The following SPTBN1 variants were observed in gnomAD, a reference collection of about 807,000 sequenced individuals.
SPTBN1 encodes the protein spectrin beta, non-erythrocytic 1.
Under a neutral mutation model 266.4 loss-of-function variants are expected in SPTBN1, and 32 were observed. The ratio of observed to expected loss-of-function variants is 0.12; its 90% CI spans 0.09 to 0.16. The LOEUF is 0.16. SPTBN1 is among the 10% of genes least tolerant of loss of function. The pLI is 1.00. For synonymous variants in SPTBN1, 1,336 were observed against 1,162.2 expected (o/e 1.15, Z -3.04); for missense variants, 2,296 against 3,067.1 (o/e 0.75, Z 5.94).
chr2:54,511,422 A>T (rs1030470547), intron 1 of SPTBN1, among the ~76,000 whole-genome samples: 1 of 152,210 alleles, frequency 6.6e-6, no homozygotes, highest in Non-Finnish European at 1.5e-5. Flanking sequence ...TTTTAGTAAT[A>T]GAATAGTGGT....
intron 34 of SPTBN1, 107 bp downstream of exon 34, chr2:54,666,195 G>A: frequency 8.3e-7 from 1 of 1,202,466 alleles, no homozygotes; most frequent in African/African-American, 1.5e-5. Context: ...TCTGTCTTCT[G>A]CCATTTTAAA....
intron 1 of SPTBN1, chr2:54,520,400 G>A (rs1015866814): frequency 6.6e-6 from 1 of 152,202 alleles, no homozygotes; most frequent in Non-Finnish European, 1.5e-5. Flanking sequence ...TGCCAGAGCT[G>A]TAGAAGCCTC....
chr2:54,625,926 C>G lies in SPTBN1; in HGVS notation c.1342-6C>G. 1.2e-6 allele frequency: 2 copies of G among 1,611,640 alleles called. No individual in the cohort carries two copies. The highest frequency in any genetic ancestry group is 1.7e-6 in the Non-Finnish European group (2 of 1,177,946). On this transcript the variant is annotated splice_region_variant and splice_polypyrimidine_tract_variant and intron_variant, in intron 11 of 35. Transcript: ENST00000356805. The stretch of plus-strand genomic sequence containing the variant: ...TTTTCCTTCTTTTCATTCCGTTTCT[C>G]TGTAGGACAACTTTGGGTTTGACCT...
At chr2:54,529,741 G>T in intron 2 of SPTBN1, 1 of 677,558 alleles carries the variant, frequency 1.5e-6, no homozygotes, top group South Asian at 1.4e-5. Flanking sequence ...AGAGATGAAG[G>T]CATATGTTCC....
At position 54,518,167 on chromosome 2, in the gene SPTBN1, C is replaced by T. The variant is rs187405599; in HGVS notation, c.-47-8205C>T. The stretch of plus-strand genomic sequence containing the variant: ...CTCGGTCCTTTTTTGGCACTAGCCC[C>T]ATGTACCTGAGTAATAATAGGTCAG... On this transcript the variant is annotated intron_variant, in intron 1 of 35. Coordinates refer to ENST00000356805, the MANE Select transcript of SPTBN1 (RefSeq NM_003128.3). 6.6e-5 allele frequency among the ~76,000 whole-genome samples: 10 copies of T among 152,068 alleles called. No homozygotes were observed. In the East Asian group the frequency reaches 1.7e-3, roughly 26 times the overall value.
rs772982871 is a variant in SPTBN1 at position 54,648,983 on chromosome 2, C to T, written c.4998-3C>T. ...TCTCCCCATTGCTCCTTTTCTTTTT[C>T]AGTGAGCGCATTAGCATGCGGCAGT... On this transcript the variant is annotated splice_polypyrimidine_tract_variant and splice_region_variant and intron_variant, in intron 24 of 35. Transcript: ENST00000356805. 13 of 1,588,524 alleles carry T rather than the reference C, an allele frequency of 8.2e-6. No individual in the cohort carries two copies. The highest frequency in any genetic ancestry group is 3.4e-5 in the South Asian group (3 of 88,448).
intron 2 of SPTBN1, among the ~76,000 whole-genome samples, chr2:54,589,889 TTTGAG>T (rs745699135): frequency 2.8e-4 from 42 of 152,246 alleles, no homozygotes; most frequent in Non-Finnish European, 5.3e-4. Context: ...ATTCTTTTGT[TTTGAG>T]TTAAGATCCT....
In SPTBN1 at chr2:54,653,753, G is replaced by A. The variant is rs148915438; in HGVS notation, c.5722G>A (p.Val1908Met). 3 of 1,614,134 alleles carry A rather than the reference G, an allele frequency of 1.9e-6. No individual in the cohort carries two copies. The African/African-American group carries it at 4.0e-5, about 22-fold the overall frequency. ...CTGTGAGAGCCGCAGGGTGCGGCTG[G>A]TGGACACAGGGGACAAGTTCCGCTT... ...DACESRRVRL[V>M]DTGDKFRFFS... Residue 1908 changes from valine (V) to methionine (M), a missense_variant, in exon 27 of 36, where the codon GTG becomes ATG. Physicochemically the swap from Val to Met is conservative, Grantham distance 21. Coordinates refer to ENST00000356805, the MANE Select transcript of SPTBN1 (RefSeq NM_003128.3). The surrounding 1 kb of genome is among the most constrained non-coding windows in gnomAD (Gnocchi z 5.1).
chr2:54,573,210 G>A (rs1674211991), intron 2 of SPTBN1, among the ~76,000 whole-genome samples: 1 of 152,192 alleles, frequency 6.6e-6, no homozygotes, highest in African/African-American at 2.4e-5. Flanking sequence ...AGGTCACTTA[G>A]TAAAGCGGTC....
At chr2:54,662,182 A>T in intron 32 of SPTBN1, 3 of 985,266 alleles carry the variant, frequency 3.0e-6, no homozygotes, top group Non-Finnish European at 3.6e-6. Flanking sequence ...GTTGCGAGGG[A>T]TGTGTTCACA....
At chr2:54,519,699 G>A (rs1670318759) in intron 1 of SPTBN1, among the ~76,000 whole-genome samples, 1 of 152,088 alleles carries the variant, frequency 6.6e-6, no homozygotes. Context: ...TTTTTAGGGG[G>A]ATAAAATAAC....
intron 4 of SPTBN1, among the ~76,000 whole-genome samples, chr2:54,613,475 T>C (rs946481036): frequency 3.3e-5 from 5 of 152,214 alleles, no homozygotes; most frequent in Non-Finnish European, 7.4e-5. Flanking sequence ...GTCGTGATTA[T>C]ATATGTGGGA....
rs948403314 is a variant in SPTBN1 at position 54,529,414 on chromosome 2, G to A, written c.148+2848G>A. On this transcript the variant is annotated intron_variant, in intron 2 of 35. Transcript: ENST00000356805. ...CTGAAGCCAAAGCAAAGGCTTTAAAGGCCAAGAAGGTAGTGTTGAAAGGTG... is the reference window on the plus strand; with the variant it reads ...CTGAAGCCAAAGCAAAGGCTTTAAAAGCCAAGAAGGTAGTGTTGAAAGGTG... 8 of 700,036 alleles carry A rather than the reference G, an allele frequency of 1.1e-5. No individual in the cohort carries two copies. In the African/African-American group the frequency reaches 1.4e-4, roughly 12 times the overall value. 43.4% of individuals were successfully genotyped at this position (700,036 alleles called of 1,614,324 possible).
At position 54,599,394 on chromosome 2, in the gene SPTBN1, C is replaced by A; in HGVS notation, c.300+151C>A. On this transcript the variant is annotated intron_variant, in intron 3 of 35. Transcript: ENST00000356805. Reference sequence around the variant, plus strand: ...AGTGAGTTGAGCGCTTCAGGGAGAGCCTTAGTGTCACATTCTGAGCGTGGA... The same window carrying A: ...AGTGAGTTGAGCGCTTCAGGGAGAGACTTAGTGTCACATTCTGAGCGTGGA... 3 of 880,514 alleles carry A rather than the reference C, an allele frequency of 3.4e-6. No individual in the cohort carries two copies. The African/African-American group carries it at 5.1e-5, about 15-fold the overall frequency. 54.5% of individuals were successfully genotyped at this position (880,514 alleles called of 1,614,324 possible).
chr2:54,607,707 G>C (rs1676940242), intron 3 of SPTBN1, among the ~76,000 whole-genome samples: 1 of 152,140 alleles, frequency 6.6e-6, no homozygotes, highest in Non-Finnish European at 1.5e-5. Context: ...TAAGCGACTT[G>C]AGCATTTATG....
intron 1 of SPTBN1, among the ~76,000 whole-genome samples, chr2:54,523,663 G>A (rs1016583637): frequency 6.6e-6 from 1 of 152,204 alleles, no homozygotes; most frequent in Non-Finnish European, 1.5e-5. Flanking sequence ...CACGATAAAT[G>A]TTTCTTTTCT....
rs369151372 is a variant in SPTBN1 at position 54,623,558 on chromosome 2, A to C, written c.1144A>C (p.Met382Leu). ...GAGGGCCAACAACCAGAAGGTCTACATGCCCCGGGAGGGGAAGCTCATCTC... is the reference window on the plus strand; with the variant it reads ...GAGGGCCAACAACCAGAAGGTCTACCTGCCCCGGGAGGGGAAGCTCATCTC... ...KMRANNQKVY[M>L]PREGKLISDI... Residue 382 changes from methionine (M) to leucine (L), a missense_variant, in exon 10 of 36, where the codon ATG becomes CTG. By Grantham distance (15) the Met-to-Leu change is conservative. Transcript: ENST00000356805. 2 of 1,614,192 alleles carry C rather than the reference A, an allele frequency of 1.2e-6. No homozygotes were observed. The highest frequency in any genetic ancestry group is 8.5e-7 in the Non-Finnish European group (1 of 1,180,008).
intron 1 of SPTBN1, among the ~76,000 whole-genome samples, chr2:54,498,665 AC>A (rs1314248068): frequency 6.6e-6 from 1 of 152,188 alleles, no homozygotes; most frequent in African/African-American, 2.4e-5. Context: ...GAAAAATTGA[AC>A]CTAGATCCAT....
chr2:54,650,516 GCA>G (rs1266466407), intron 26 of SPTBN1, among the ~76,000 whole-genome samples: 1 of 152,130 alleles, frequency 6.6e-6, no homozygotes, highest in Non-Finnish European at 1.5e-5. Context: ...TCTGATCTCT[GCA>G]CAGTTTCTTG....
Sources: allele counts gnomAD v4.1 joint callset (sites outside exome capture counted in the v4.1 genomes callset), GRCh38; gene constraint gnomAD v4.1.1; non-coding constraint Gnocchi (gnomAD v3.1); transcripts MANE v1.5; gene names NCBI Gene and HGNC (gene_info 2026-07-23, HGNC 2026-07-21).